Variants in KCNMB4 observed in about 807,000 individuals in gnomAD.
The protein encoded by KCNMB4 is calcium-activated potassium channel subunit beta-4.
A neutral mutation model predicts 20.7 loss-of-function variants in KCNMB4; 3 were observed. The observed-to-expected ratio is 0.14, with a 90% CI of 0.07 to 0.37. KCNMB4 has a LOEUF of 0.37. Among genes scored for constraint, KCNMB4 ranks in the 10% least tolerant of loss-of-function variants. The pLI is 1.00. For missense variants in KCNMB4, 168 were observed against 265.9 expected (o/e 0.63, Z 2.56); for synonymous variants, 110 against 113.4 (o/e 0.97, Z 0.19).
intron 1 of KCNMB4, among the ~76,000 whole-genome samples, chr12:70,388,793 C>T (rs1868277594): frequency 6.6e-6 from 1 of 152,122 alleles, no homozygotes; most frequent in African/African-American, 2.4e-5. Context: ...ATGGAAAGCT[C>T]CTAGGATAGT....
In KCNMB4 at chr12:70,377,486, A is replaced by G. The variant is rs545600086; in HGVS notation, c.336+10416A>G. ...TAATGATCTGAGCATTTAGAAAGTC[A>G]TAATCATTTTGCGGGTGGAGGATCA... On this transcript the variant is annotated intron_variant, in intron 1 of 2. Coordinates refer to ENST00000258111, the MANE Select transcript of KCNMB4 (RefSeq NM_014505.6). Among the ~76,000 whole-genome samples, 30 of 152,340 alleles carry G rather than the reference A, an allele frequency of 2.0e-4. No homozygotes were observed. In the South Asian group the frequency reaches 5.8e-3, roughly 29 times the overall value.
At chr12:70,404,129 A>G (rs1008486068) in intron 2 of KCNMB4, among the ~76,000 whole-genome samples, 2 of 152,234 alleles carry the variant, frequency 1.3e-5, no homozygotes, top group Non-Finnish European at 2.9e-5. Context: ...AAGTTATGTA[A>G]TATGGAGTAA....
Position 70,431,581 on chromosome 12 carries a change from T to C in KCNMB4, c.*928T>C, listed in dbSNP as rs1179062253. Reference sequence around the variant, plus strand: ...CATTTTTTTTTCTTTGTCCTTGCCTTGATGTTATGAGTATTAAAACCAGGA... The same window carrying C: ...CATTTTTTTTTCTTTGTCCTTGCCTCGATGTTATGAGTATTAAAACCAGGA... On this transcript the variant is annotated 3_prime_UTR_variant, in exon 3 of 3. Coordinates refer to ENST00000258111, the MANE Select transcript of KCNMB4 (RefSeq NM_014505.6). The C allele has an allele frequency of 6.6e-6, 1 of 152,032 alleles. No homozygotes were observed. The highest frequency in any genetic ancestry group is 2.4e-5 in the African/African-American group (1 of 41,374). The allele number at this position is 152,032 out of a possible 1,614,324, so 9.4% of individuals were successfully genotyped here. A position where few individuals can be genotyped will look rare whatever the true frequency, so the allele number is the denominator to read the frequency against.
chr12:70,394,439 A>G (rs577408133), intron 1 of KCNMB4, among the ~76,000 whole-genome samples: 1 of 152,292 alleles, frequency 6.6e-6, no homozygotes, highest in Admixed American at 6.5e-5. Flanking sequence ...TTTCTAAGCC[A>G]TTTATTTAAC....
rs570530969 is a variant in KCNMB4, at chr12:70,432,572, G to A, written c.*1919G>A. The stretch of plus-strand genomic sequence containing the variant: ...GTTACTGGTGTGCACCACCGTGCTT[G>A]GCTCCAATAATTTTTTTTCTAATTC... On this transcript the variant is annotated 3_prime_UTR_variant, in exon 3 of 3. Coordinates refer to ENST00000258111, the MANE Select transcript of KCNMB4 (RefSeq NM_014505.6). 2.6e-4 allele frequency: 39 copies of A among 152,210 alleles called. No individual in the cohort carries two copies. Among genetic ancestry groups the A allele is most frequent in the African/African-American group, 8.9e-4 (37 of 41,532 alleles). 9.4% of individuals were successfully genotyped at this position (152,210 alleles called of 1,614,324 possible). A position where few individuals can be genotyped will look rare whatever the true frequency, so the allele number is the denominator to read the frequency against.
At chr12:70,370,505 ACCATGTTAG>A (rs1197014893) in intron 1 of KCNMB4, among the ~76,000 whole-genome samples, 1 of 151,672 alleles carries the variant, frequency 6.6e-6, no homozygotes, top group East Asian at 2.0e-4. Flanking sequence ...ATGAGGTTTC[ACCATGTTAG>A]CCAGGATGGT....
chr12:70,380,834 G>A (rs970804854), intron 1 of KCNMB4, among the ~76,000 whole-genome samples: 2 of 152,142 alleles, frequency 1.3e-5, no homozygotes, highest in African/African-American at 4.8e-5. Context: ...CTAAATATAA[G>A]TGCTAAAACT....
chr12:70,370,271 A>G (rs1883566529), intron 1 of KCNMB4, among the ~76,000 whole-genome samples: 1 of 151,034 alleles, frequency 6.6e-6, no homozygotes, highest in Non-Finnish European at 1.5e-5. Flanking sequence ...AGATTAAAAG[A>G]TATTGTTGGT....
intron 2 of KCNMB4, among the ~76,000 whole-genome samples, chr12:70,428,773 G>T (rs1373558623): frequency 6.6e-6 from 1 of 152,146 alleles, no homozygotes; most frequent in Non-Finnish European, 1.5e-5. Context: ...CCTTACAGAA[G>T]AAAAGAATAT....
At chr12:70,370,196 C>T (rs965049642) in intron 1 of KCNMB4, among the ~76,000 whole-genome samples, 1 of 152,108 alleles carries the variant, frequency 6.6e-6, no homozygotes, top group African/African-American at 2.4e-5. Context: ...ATGTTCTCAT[C>T]TGCTGTGCAA....
At chr12:70,386,590 GT>G (rs1565857203) in intron 1 of KCNMB4, among the ~76,000 whole-genome samples, 1 of 128,370 alleles carries the variant, frequency 7.8e-6, no homozygotes, top group South Asian at 2.3e-4. Flanking sequence ...TTGTTTGTTT[GT>G]TTGTTGTTTT....
intron 2 of KCNMB4, among the ~76,000 whole-genome samples, chr12:70,415,894 G>A (rs1264664739): frequency 6.6e-6 from 1 of 152,164 alleles, no homozygotes; most frequent in Non-Finnish European, 1.5e-5. Flanking sequence ...ATTTACAGCT[G>A]ACTAGTGAGA....
At chr12:70,429,166 A>G (rs1270245878) in intron 2 of KCNMB4, among the ~76,000 whole-genome samples, 1 of 152,164 alleles carries the variant, frequency 6.6e-6, no homozygotes. Context: ...GCTGTGACTA[A>G]TGAGTGATTT....
At chr12:70,384,384 G>T (rs192871071) in intron 1 of KCNMB4, among the ~76,000 whole-genome samples, 99 of 152,280 alleles carry the variant, frequency 6.5e-4, no homozygotes, top group African/African-American at 2.1e-3. Flanking sequence ...TTACAATGGA[G>T]AGGATCGATG....
At chr12:70,383,538 A>C (rs763421943) in intron 1 of KCNMB4, among the ~76,000 whole-genome samples, 7 of 152,196 alleles carry the variant, frequency 4.6e-5, no homozygotes, top group Non-Finnish European at 1.0e-4. Flanking sequence ...TGCTTAACTC[A>C]ACAGAGATTT....
Position 70,400,227 on chromosome 12 carries a change from T to G in KCNMB4, c.355T>G (p.Cys119Gly), listed in dbSNP as rs1162390835. 6.2e-7 allele frequency: 1 copy of G among 1,610,454 alleles called. No homozygotes were observed. The highest frequency in any genetic ancestry group is 2.2e-5 in the East Asian group (1 of 44,734). Residue 119 changes from cysteine to glycine, a missense_variant, in exon 2 of 3, where the codon TGT (cysteine) becomes GGT (glycine). By Grantham distance (159) the Cys-to-Gly change is radical (BLOSUM62 -3). Transcript: ENST00000258111. Reference sequence around the variant, plus strand: ...TTGTTAGTGCTCCTATATCCCTCCCTGTAAGAGAGAAAATCAGAAGAATTT... The same window carrying G: ...TTGTTAGTGCTCCTATATCCCTCCCGGTAAGAGAGAAAATCAGAAGAATTT... ...TNPKCSYIPP[C>G]KRENQKNLES...
intron 1 of KCNMB4, among the ~76,000 whole-genome samples, chr12:70,392,014 G>A (rs1026992629): frequency 1.3e-5 from 2 of 152,084 alleles, no homozygotes; most frequent in Non-Finnish European, 2.9e-5. Context: ...CACCATACTG[G>A]TTCTAGAGGA....
chr12:70,386,590 G>GTTTCTTTTTTTTTTTTTTTTTTTTTTTT (rs1565857203), intron 1 of KCNMB4, among the ~76,000 whole-genome samples: 1 of 128,370 alleles, frequency 7.8e-6, no homozygotes. Context: ...TTGTTTGTTT[G>GTTTCTTTTTTTTTTTTTTTTTTTTTTTT]TTTGTTGTTT....
At chr12:70,383,503 C>T (rs2136120848) in intron 1 of KCNMB4, among the ~76,000 whole-genome samples, 1 of 152,272 alleles carries the variant, frequency 6.6e-6, no homozygotes, top group African/African-American at 2.4e-5. Context: ...TTAGGGCTGC[C>T]ATAACAAAGT....
Sources: allele counts gnomAD v4.1 joint callset (sites outside exome capture counted in the v4.1 genomes callset), GRCh38; gene constraint gnomAD v4.1.1; transcripts MANE v1.5; gene names NCBI Gene and HGNC (gene_info 2026-07-23, HGNC 2026-07-21).